Variants in MACROD2 observed in about 807,000 individuals in gnomAD.
MACROD2 encodes mono-ADP ribosylhydrolase 2.
A neutral mutation model predicts 70.4 loss-of-function variants in MACROD2; 36 were observed. That is an observed-to-expected ratio of 0.51 (90% CI 0.39 to 0.68). MACROD2 has a LOEUF of 0.68. MACROD2 is among the 30% of genes least tolerant of loss of function. The pLI is 0.00. For missense variants in MACROD2, 496 were observed against 538.4 expected (o/e 0.92, Z 0.78); for synonymous variants, 172 against 178.8 (o/e 0.96, Z 0.30).
At chr20:15,145,742 G>T (rs901543207) in intron 5 of MACROD2, among the ~76,000 whole-genome samples, 7 of 151,920 alleles carry the variant, frequency 4.6e-5, no homozygotes, top group East Asian at 1.9e-4. Context: ...GATAAGAAAT[G>T]ATTTTTAATT....
chr20:15,314,605 G>T (rs2077789211), intron 6 of MACROD2, among the ~76,000 whole-genome samples: 2 of 152,102 alleles, frequency 1.3e-5, no homozygotes, highest in South Asian at 4.1e-4. Context: ...CAAATCTTGG[G>T]GCTTGCCTGA....
At chr20:14,537,556 G>C (rs2085380940) in intron 4 of MACROD2, among the ~76,000 whole-genome samples, 2 of 152,110 alleles carry the variant, frequency 1.3e-5, no homozygotes, top group African/African-American at 4.8e-5. Flanking sequence ...CTTTAAGTTG[G>C]GGAGCTGTTG....
At chr20:15,847,948 G>T (rs1001894982) in intron 8 of MACROD2, among the ~76,000 whole-genome samples, 3 of 152,086 alleles carry the variant, frequency 2.0e-5, no homozygotes, top group Non-Finnish European at 4.4e-5. Flanking sequence ...TTTTTTCTCA[G>T]TTAGTGTTCA....
chr20:15,933,972 CT>C (rs1223528772), intron 11 of MACROD2, among the ~76,000 whole-genome samples: 1 of 152,150 alleles, frequency 6.6e-6, no homozygotes, highest in Non-Finnish European at 1.5e-5. Context: ...TAAAATAGCA[CT>C]TAAGGCTCAA....
chr20:14,104,109 T>A (rs1331621694), intron 3 of MACROD2, among the ~76,000 whole-genome samples: 2 of 152,186 alleles, frequency 1.3e-5, no homozygotes, highest in African/African-American at 4.8e-5. Context: ...TCTCAAGGTG[T>A]AAGAGTATAT....
chr20:14,549,245 G>C (rs148958442), intron 4 of MACROD2, among the ~76,000 whole-genome samples: 3 of 152,120 alleles, frequency 2.0e-5, no homozygotes, highest in Admixed American at 1.3e-4. Flanking sequence ...TCTATATTTG[G>C]GGGGAGAGGA....
chr20:14,814,357 T>G (rs1168041149), intron 5 of MACROD2, among the ~76,000 whole-genome samples: 3 of 152,056 alleles, frequency 2.0e-5, no homozygotes, highest in Admixed American at 6.6e-5. Context: ...TAACTTTTCA[T>G]TGCTTGGCAA....
intron 5 of MACROD2, among the ~76,000 whole-genome samples, chr20:15,194,531 T>G (rs1273825758): frequency 6.6e-6 from 1 of 152,116 alleles, no homozygotes; most frequent in Non-Finnish European, 1.5e-5. Flanking sequence ...CTCAGTGAAA[T>G]CTATCTTTAC....
intron 5 of MACROD2, among the ~76,000 whole-genome samples, chr20:14,967,309 C>A (rs750533088): frequency 6.7e-6 from 1 of 149,954 alleles, no homozygotes; most frequent in Non-Finnish European, 1.5e-5. Context: ...TCACCTGCCT[C>A]AGCCTCCTGA....
At chr20:14,384,836 C>T (rs1309788512) in intron 3 of MACROD2, among the ~76,000 whole-genome samples, 1 of 152,150 alleles carries the variant, frequency 6.6e-6, no homozygotes, top group Non-Finnish European at 1.5e-5. Context: ...GAGTTTCCAT[C>T]TGATATACTT....
intron 3 of MACROD2, among the ~76,000 whole-genome samples, chr20:14,281,360 A>G (rs528005990): frequency 5.5e-4 from 84 of 152,362 alleles, no homozygotes; most frequent in Non-Finnish European, 1.0e-3. Context: ...TGAAATGTCC[A>G]GAATAGGCAA....
chr20:14,690,270 A>G (rs1407010973), intron 5 of MACROD2, among the ~76,000 whole-genome samples: 1 of 151,672 alleles, frequency 6.6e-6, no homozygotes, highest in Non-Finnish European at 1.5e-5. Context: ...TATTTCTTCT[A>G]TTTAATCTTT....
At chr20:14,045,144 C>T (rs901987467) in intron 2 of MACROD2, among the ~76,000 whole-genome samples, 9 of 152,238 alleles carry the variant, frequency 5.9e-5, no homozygotes, top group East Asian at 1.9e-4. Flanking sequence ...CACGTAGCCC[C>T]GGTTCCCGCC....
chr20:15,217,247 T>A (rs2076818391), intron 5 of MACROD2, among the ~76,000 whole-genome samples: 1 of 152,232 alleles, frequency 6.6e-6, no homozygotes, highest in South Asian at 2.1e-4. Flanking sequence ...ATCCCATGTA[T>A]GCACGTGGTA....
chr20:14,967,379 G>A (rs867788560), intron 5 of MACROD2, among the ~76,000 whole-genome samples: 1 of 152,042 alleles, frequency 6.6e-6, no homozygotes, highest in African/African-American at 2.4e-5. Context: ...GGCCAGACTG[G>A]TCTCGAATTC....
At chr20:14,608,841 A>G (rs1223243627) in intron 4 of MACROD2, among the ~76,000 whole-genome samples, 1 of 152,166 alleles carries the variant, frequency 6.6e-6, no homozygotes, top group African/African-American at 2.4e-5. Flanking sequence ...ATCAGGGAAA[A>G]TTTCTCTAAG....
At chr20:15,244,846 G>T (rs887574413) in intron 6 of MACROD2, among the ~76,000 whole-genome samples, 25 of 152,096 alleles carry the variant, frequency 1.6e-4, no homozygotes, top group African/African-American at 5.8e-4. Context: ...AAATTTAATG[G>T]ATCAGGCAAA....
chr20:14,273,039 A>G (rs2082211687), intron 3 of MACROD2, among the ~76,000 whole-genome samples: 1 of 151,770 alleles, frequency 6.6e-6, no homozygotes. Flanking sequence ...CTACACAATA[A>G]TAATGGGAGA....
intron 4 of MACROD2, among the ~76,000 whole-genome samples, chr20:14,664,998 C>T (rs1055278717): frequency 1.3e-5 from 2 of 152,080 alleles, no homozygotes; most frequent in Non-Finnish European, 2.9e-5. Flanking sequence ...GGACAGCACT[C>T]GGATTTCAAC....
Sources: gnomAD v4.1 joint callset for allele counts (sites outside exome capture counted in the v4.1 genomes callset) on GRCh38, gnomAD v4.1.1 for gene constraint, MANE v1.5 for transcripts, NCBI Gene and HGNC (gene_info 2026-07-23, HGNC 2026-07-21) for gene names.